Variants in ADAMTSL1 observed in about 807,000 individuals in gnomAD.
The protein encoded by ADAMTSL1 is ADAMTS like 1.
In ADAMTSL1, 126 loss-of-function variants were observed where a neutral mutation model predicts 201.8. The ratio of observed to expected loss-of-function variants is 0.62; its 90% CI spans 0.54 to 0.72. ADAMTSL1 has a LOEUF of 0.72. Among genes scored for constraint, ADAMTSL1 ranks in the 30% least tolerant of loss-of-function variants. ADAMTSL1 has a pLI of 0.00. For synonymous variants in ADAMTSL1, 1,121 were observed against 903.4 expected, an observed-to-expected ratio of 1.24 and a Z score of -4.32; for missense variants, 2,679 against 2,277.8, an observed-to-expected ratio of 1.18 and a Z score of -3.59.
At chr9:18,541,384 C>T (rs1400923537) in intron 3 of ADAMTSL1, among the ~76,000 whole-genome samples, 1 of 152,000 alleles carries the variant, frequency 6.6e-6, no homozygotes, top group African/African-American at 2.4e-5. Flanking sequence ...GTGGTGGGCA[C>T]CTGTAATCCC....
intron 1 of ADAMTSL1, among the ~76,000 whole-genome samples, chr9:17,985,897 T>C (rs545732571): frequency 2.6e-5 from 4 of 152,272 alleles, no homozygotes; most frequent in East Asian, 1.9e-4. Flanking sequence ...GAATCTGAAA[T>C]GCGTTGGCTA....
chr9:18,074,992 C>G (rs932469555), intron 1 of ADAMTSL1, among the ~76,000 whole-genome samples: 2 of 152,030 alleles, frequency 1.3e-5, no homozygotes, highest in Non-Finnish European at 2.9e-5. Context: ...TCTTTTATAC[C>G]TATATTCCTT....
intron 2 of ADAMTSL1, among the ~76,000 whole-genome samples, chr9:18,372,126 C>T (rs1312344314): frequency 6.6e-6 from 1 of 152,182 alleles, no homozygotes; most frequent in Non-Finnish European, 1.5e-5. Flanking sequence ...AGAGCAAAAT[C>T]TGAGAGCTTA....
chr9:18,604,689 G>A lies in ADAMTSL1; in HGVS notation c.475-17554G>A, dbSNP rs180764938. ...GACACTTGGGTTGTTTCCCCCTTTT[G>A]GCTATTGTGAATTATGCTGCTGTGA... is the stretch of plus-strand genomic sequence containing the variant. On this transcript the variant is annotated intron_variant, in intron 4 of 28. Coordinates refer to ENST00000380548, the MANE Select transcript of ADAMTSL1 (RefSeq NM_001040272.6). Among the ~76,000 whole-genome samples the A allele has an allele frequency of 3.4e-4, 51 of 152,204 alleles. 1 individual carries two copies. Among genetic ancestry groups the A allele is most frequent in the Admixed American group, 2.4e-3 (36 of 15,292 alleles).
intron 2 of ADAMTSL1, among the ~76,000 whole-genome samples, chr9:18,437,646 G>T (rs1167737603): frequency 6.6e-6 from 1 of 151,992 alleles, no homozygotes; most frequent in East Asian, 1.9e-4. Flanking sequence ...ACTTTTGAGA[G>T]TTAAAGAAAG....
intron 2 of ADAMTSL1, among the ~76,000 whole-genome samples, chr9:18,315,357 C>G (rs894455426): frequency 6.6e-6 from 1 of 152,078 alleles, no homozygotes; most frequent in Non-Finnish European, 1.5e-5. Context: ...AGCTGCCTGT[C>G]AGTCCCATGC....
chr9:18,884,840 GTTC>G (rs1191061531), intron 23 of ADAMTSL1, among the ~76,000 whole-genome samples: 2 of 151,938 alleles, frequency 1.3e-5, no homozygotes, highest in African/African-American at 4.8e-5. Context: ...AATCCTCTTT[GTTC>G]TTCTTTTTCA....
intron 23 of ADAMTSL1, among the ~76,000 whole-genome samples, chr9:18,865,199 C>A (rs1174489860): frequency 6.6e-6 from 1 of 151,968 alleles, no homozygotes; most frequent in Admixed American, 6.6e-5. Flanking sequence ...GCTCCCCCCA[C>A]CCCACAATAG....
intron 4 of ADAMTSL1, among the ~76,000 whole-genome samples, chr9:18,580,886 C>T (rs1004849619): frequency 6.6e-6 from 1 of 152,050 alleles, no homozygotes; most frequent in Non-Finnish European, 1.5e-5. Context: ...ATACTGCCCT[C>T]ACTGTAAATG....
intron 2 of ADAMTSL1, among the ~76,000 whole-genome samples, chr9:18,297,675 A>G (rs959354023): frequency 6.6e-6 from 1 of 150,970 alleles, no homozygotes; most frequent in Non-Finnish European, 1.5e-5. Flanking sequence ...TAGGCTCCCA[A>G]ATACCTTTTG....
chr9:18,004,461 G>C (rs1819735834), intron 1 of ADAMTSL1, among the ~76,000 whole-genome samples: 1 of 152,022 alleles, frequency 6.6e-6, no homozygotes, highest in Non-Finnish European at 1.5e-5. Context: ...TGAAGGCACA[G>C]AATGATGTGG....
intron 1 of ADAMTSL1, among the ~76,000 whole-genome samples, chr9:18,074,871 G>T (rs900228867): frequency 6.6e-6 from 1 of 152,158 alleles, no homozygotes; most frequent in South Asian, 2.1e-4. Context: ...GATTACAAGC[G>T]TGAGCCATGG....
chr9:18,646,027 A>G (rs993903553), intron 7 of ADAMTSL1, among the ~76,000 whole-genome samples: 1 of 152,132 alleles, frequency 6.6e-6, no homozygotes, highest in Non-Finnish European at 1.5e-5. Context: ...ATGAGCATAG[A>G]ATGTTCTTCC....
At chr9:18,052,480 G>T (rs944963655) in intron 1 of ADAMTSL1, among the ~76,000 whole-genome samples, 9 of 152,138 alleles carry the variant, frequency 5.9e-5, no homozygotes, top group Non-Finnish European at 1.2e-4. Context: ...GTGTGAAGCC[G>T]CTGAGAGTGG....
At chr9:18,179,859 A>G (rs1171585012) in intron 2 of ADAMTSL1, among the ~76,000 whole-genome samples, 1 of 152,168 alleles carries the variant, frequency 6.6e-6, no homozygotes, top group Non-Finnish European at 1.5e-5. Context: ...CTGCCCTAAA[A>G]GAGCTCCTGA....
At chr9:18,492,128 A>G (rs910971538) in intron 1 of ADAMTSL1, among the ~76,000 whole-genome samples, 1 of 152,200 alleles carries the variant, frequency 6.6e-6, no homozygotes, top group Admixed American at 6.5e-5. Flanking sequence ...TAAGTTACAC[A>G]GTAGGGAAGC....
intron 2 of ADAMTSL1, among the ~76,000 whole-genome samples, chr9:18,174,069 G>A (rs1020733088): frequency 5.3e-5 from 8 of 152,026 alleles, no homozygotes; most frequent in Non-Finnish European, 7.4e-5. Context: ...GCTTAACTTC[G>A]GAACTGTCTT....
In ADAMTSL1 at chr9:18,777,690, G is replaced by T. The variant is rs759069724; in HGVS notation, c.3461G>T (p.Gly1154Val). The T allele has an allele frequency of 1.2e-6, 2 of 1,613,472 alleles. No homozygotes were observed. Among genetic ancestry groups the T allele is most frequent in the Non-Finnish European group, 1.7e-6 (2 of 1,179,744 alleles). Residue 1154 changes from glycine (G) to valine (V), a missense_variant, in exon 19 of 29, where the codon GGG (glycine) becomes GTG (valine). Transcript: ENST00000380548. Reference protein sequence around the residue: ...SLRTSSTGDAGGGSRRPHRKP... With the variant: ...SLRTSSTGDAVGGSRRPHRKP... ...CGGACCTCCTCCACCGGGGACGCCG[G>T]GGGAGGCTCTCGAAGGCCACACCGC...
At chr9:17,974,031 G>A (rs1365938396) in intron 1 of ADAMTSL1, among the ~76,000 whole-genome samples, 3 of 151,960 alleles carry the variant, frequency 2.0e-5, no homozygotes, top group East Asian at 1.9e-4. Flanking sequence ...CTGAGACTTC[G>A]ACAAAATTCA....
Sources: gnomAD v4.1 joint callset for allele counts (sites outside exome capture counted in the v4.1 genomes callset) on GRCh38, gnomAD v4.1.1 for gene constraint, MANE v1.5 for transcripts, NCBI Gene and HGNC (gene_info 2026-07-23, HGNC 2026-07-21) for gene names.